The following CADM1 variants were observed in gnomAD, a reference collection of about 807,000 sequenced individuals.
CADM1 encodes the protein TSLC-1.
Under a neutral mutation model 53.1 loss-of-function variants are expected in CADM1, and 15 were observed. The ratio of observed to expected loss-of-function variants is 0.28; its 90% CI spans 0.19 to 0.44. The LOEUF (loss-of-function observed/expected upper bound fraction) is 0.44. CADM1 is among the 20% of genes least tolerant of loss of function. The pLI is 1.00. For missense variants in CADM1, 434 were observed against 611.3 expected (o/e 0.71, Z 3.06); for synonymous variants, 281 against 243.0 (o/e 1.16, Z -1.45).
intron 1 of CADM1, among the ~76,000 whole-genome samples, chr11:115,475,105 C>T (rs559926882): frequency 1.3e-5 from 2 of 152,184 alleles, no homozygotes; most frequent in East Asian, 1.9e-4. Flanking sequence ...CTCAGATGCT[C>T]GAGTCGCTTA....
intron 1 of CADM1, among the ~76,000 whole-genome samples, chr11:115,484,405 C>A (rs986768179): frequency 6.6e-6 from 1 of 152,230 alleles, no homozygotes; most frequent in African/African-American, 2.4e-5. Flanking sequence ...AAAAGCTGCA[C>A]ATGTCCAGAA....
At chr11:115,251,985 A>G (rs979079440) in intron 1 of CADM1, among the ~76,000 whole-genome samples, 11 of 152,222 alleles carry the variant, frequency 7.2e-5, no homozygotes, top group African/African-American at 2.7e-4. Flanking sequence ...CATTATAACA[A>G]TAACTTGATT....
chr11:115,422,824 ACTG>A (rs955518284), intron 1 of CADM1, among the ~76,000 whole-genome samples: 4 of 152,208 alleles, frequency 2.6e-5, no homozygotes, highest in African/African-American at 9.6e-5. Context: ...CAGGAAACTG[ACTG>A]CTATGATTTT....
chr11:115,338,393 C>A lies in CADM1; in HGVS notation c.125-97973G>T, dbSNP rs138582129. 2.7e-3 allele frequency among the ~76,000 whole-genome samples: 413 copies of A among 152,062 alleles called. 7 individuals are homozygous for A. The East Asian group carries it at 0.034, about 13-fold the overall frequency. On this transcript the variant is annotated intron_variant, in intron 1 of 11. Transcript: ENST00000331581. ...CTCATTTAAACTGTTTAAATATTTG[C>A]CTAATACTAAATTACCTAGTGTTCA... is the stretch of plus-strand genomic sequence containing the variant.
intron 1 of CADM1, among the ~76,000 whole-genome samples, chr11:115,305,886 G>T (rs564468500): frequency 3.7e-4 from 45 of 122,992 alleles, no homozygotes; most frequent in Non-Finnish European, 6.7e-4. Flanking sequence ...GGGCTACAGA[G>T]CGAGACTCCA....
chr11:115,272,847 T>C (rs531358670), intron 1 of CADM1, among the ~76,000 whole-genome samples: 4 of 151,648 alleles, frequency 2.6e-5, no homozygotes, highest in African/African-American at 9.7e-5. Context: ...CATGTATACG[T>C]ATGTAACTAA....
chr11:115,287,036 C>T (rs939818235), intron 1 of CADM1, among the ~76,000 whole-genome samples: 1 of 152,166 alleles, frequency 6.6e-6, no homozygotes, highest in Non-Finnish European at 1.5e-5. Flanking sequence ...TTCTCCCGAC[C>T]CCTTCTCCCA....
chr11:115,301,203 G>C (rs1416909300), intron 1 of CADM1, among the ~76,000 whole-genome samples: 3 of 152,070 alleles, frequency 2.0e-5, no homozygotes. Flanking sequence ...TCACAGAAGA[G>C]CCCACAGCTA....
At position 115,174,514 on chromosome 11, in the gene CADM1, T is replaced by C. The variant is rs933398711; in HGVS notation, c.*1960A>G. On this transcript the variant is annotated 3_prime_UTR_variant, in exon 12 of 12. Transcript: ENST00000331581. Reference sequence around the variant, plus strand: ...GAGGGGTAAATAAAATGCTGCTCGATAATGGATTTTCTTTTACATACCAGT... The same window carrying C: ...GAGGGGTAAATAAAATGCTGCTCGACAATGGATTTTCTTTTACATACCAGT... 2 of 985,624 alleles carry C rather than the reference T, an allele frequency of 2.0e-6. No homozygotes were observed. The highest frequency in any genetic ancestry group is 5.2e-4 in the Middle Eastern group (1 of 1,936). 61.1% of individuals were successfully genotyped at this position (985,624 alleles called of 1,614,324 possible).
At chr11:115,351,536 C>A (rs920894195) in intron 1 of CADM1, among the ~76,000 whole-genome samples, 3 of 152,164 alleles carry the variant, frequency 2.0e-5, no homozygotes, top group Admixed American at 1.3e-4. Flanking sequence ...AGACTGAAAT[C>A]AGCGAGCAAT....
chr11:115,214,441 C>A, intron 7 of CADM1, 167 bp downstream of exon 7: 1 of 659,730 alleles, frequency 1.5e-6, no homozygotes. Flanking sequence ...AAGTCACTAT[C>A]CCAGGTGGAG....
intron 1 of CADM1, among the ~76,000 whole-genome samples, chr11:115,359,033 A>C (rs1465772281): frequency 6.6e-6 from 1 of 152,226 alleles, no homozygotes; most frequent in Admixed American, 6.5e-5. Context: ...CCCTCAAAGA[A>C]GACTCTCAGG....
intron 1 of CADM1, among the ~76,000 whole-genome samples, chr11:115,412,465 T>C (rs188436608): frequency 6.6e-6 from 1 of 152,210 alleles, no homozygotes; most frequent in Non-Finnish European, 1.5e-5. Flanking sequence ...TCCTGAAGTG[T>C]TGGGATTACA....
chr11:115,369,179 CT>C (rs1233322184), intron 1 of CADM1, among the ~76,000 whole-genome samples: 2 of 151,986 alleles, frequency 1.3e-5, no homozygotes. Flanking sequence ...TAAAATGCCC[CT>C]AATAGCCCAA....
intron 7 of CADM1, among the ~76,000 whole-genome samples, chr11:115,211,995 G>A (rs1054350821): frequency 2.6e-5 from 4 of 152,140 alleles, no homozygotes; most frequent in African/African-American, 9.7e-5. Flanking sequence ...TCTTTATCAC[G>A]ACTGGGGCAA....
intron 1 of CADM1, among the ~76,000 whole-genome samples, chr11:115,381,601 A>T (rs1324853109): frequency 6.6e-6 from 1 of 152,160 alleles, no homozygotes; most frequent in Non-Finnish European, 1.5e-5. Context: ...CACTTTCCTT[A>T]TGTATAAAAT....
At chr11:115,311,232 A>G (rs1328769889) in intron 1 of CADM1, among the ~76,000 whole-genome samples, 1 of 152,184 alleles carries the variant, frequency 6.6e-6, no homozygotes, top group Non-Finnish European at 1.5e-5. Flanking sequence ...GGTAATAAAA[A>G]TTTTTAAAAG....
intron 1 of CADM1, among the ~76,000 whole-genome samples, chr11:115,292,830 A>G (rs953767561): frequency 1.3e-5 from 2 of 152,224 alleles, no homozygotes; most frequent in African/African-American, 4.8e-5. Context: ...CTGAAGCAGG[A>G]TTAACATTTG....
chr11:115,465,184 A>G (rs1461907005), intron 1 of CADM1, among the ~76,000 whole-genome samples: 3 of 152,182 alleles, frequency 2.0e-5, no homozygotes, highest in African/African-American at 7.2e-5. Context: ...ATCTCTGCCT[A>G]TGAGTGCTAC....
Sources: gnomAD v4.1 joint callset for allele counts (sites outside exome capture counted in the v4.1 genomes callset) on GRCh38, gnomAD v4.1.1 for gene constraint, MANE v1.5 for transcripts, NCBI Gene and HGNC (gene_info 2026-07-23, HGNC 2026-07-21) for gene names.